Variants in TNR observed in about 807,000 individuals in gnomAD.
The protein encoded by TNR is tenascin R, also known as tenascin-R.
In TNR, 45 loss-of-function variants were observed where a neutral mutation model predicts 150.4. That is an observed-to-expected ratio of 0.30 (90% CI 0.24 to 0.38). TNR has a LOEUF of 0.38. Among genes scored for constraint, TNR ranks in the 10% least tolerant of loss-of-function variants. The pLI, the probability that TNR is intolerant of heterozygous loss-of-function variation, is 1.00. For synonymous variants in TNR, 687 were observed against 678.4 expected, an observed-to-expected ratio of 1.01 and a Z score of -0.20; for missense variants, 1,544 against 1,759.1, an observed-to-expected ratio of 0.88 and a Z score of 2.19.
Position 175,355,570 on chromosome 1 carries a change from CAGG to C in TNR, c.3179_3181del (p.Ser1060del). On this transcript the variant is annotated inframe_deletion, in exon 17 of 23. Coordinates refer to ENST00000367674, the MANE Select transcript of TNR (RefSeq NM_003285.3). ...TTCAATCTCTGCCCTGGGAGGCTGC[CAGG>C]AGATCAGGGCACTTTGTCTGGTGAC... The C allele has an allele frequency of 6.2e-7, 1 of 1,614,074 alleles. No homozygotes were observed. The highest frequency in any genetic ancestry group is 8.5e-7 in the Non-Finnish European group (1 of 1,179,932).
intron 1 of TNR, among the ~76,000 whole-genome samples, chr1:175,662,170 G>A (rs371786481): frequency 1.3e-5 from 2 of 152,190 alleles, no homozygotes; most frequent in African/African-American, 4.8e-5. Flanking sequence ...AAATCCAGAT[G>A]TGGGCAAGAA....
In TNR at chr1:175,363,703, G is replaced by A; in HGVS notation, c.2707+5C>T. 6.2e-7 allele frequency: 1 copy of A among 1,611,554 alleles called. No homozygotes were observed. Among genetic ancestry groups the A allele is most frequent in the Non-Finnish European group, 8.5e-7 (1 of 1,179,004 alleles). The stretch of plus-strand genomic sequence containing the variant: ...TATCTTTGAGAAATCAAATCACTTT[G>A]TTACCTTGGGTGGGTCGATATGATA... On this transcript the variant is annotated splice_donor_5th_base_variant and intron_variant, in intron 13 of 22. Coordinates refer to ENST00000367674, the MANE Select transcript of TNR (RefSeq NM_003285.3).
intron 1 of TNR, among the ~76,000 whole-genome samples, chr1:175,584,135 C>T (rs1392064833): frequency 6.6e-6 from 1 of 152,150 alleles, no homozygotes; most frequent in East Asian, 1.9e-4. Flanking sequence ...CAGAATGTGA[C>T]CCCATTTGGA....
At chr1:175,349,606 A>G (rs1445064051) in intron 18 of TNR, among the ~76,000 whole-genome samples, 1 of 152,256 alleles carries the variant, frequency 6.6e-6, no homozygotes, top group African/African-American at 2.4e-5. Context: ...AATTTAATGT[A>G]TCAAATGCCT....
chr1:175,513,262 G>C (rs538919739), intron 2 of TNR, among the ~76,000 whole-genome samples: 2 of 152,260 alleles, frequency 1.3e-5, no homozygotes, highest in South Asian at 2.1e-4. Context: ...TTCATCTCCT[G>C]ATGTTTCCTC....
chr1:175,662,456 TTATCTCCC>T lies in TNR; in HGVS notation c.-165+80762_-165+80769del, dbSNP rs1467352249. On this transcript the variant is annotated intron_variant, in intron 1 of 22. Coordinates refer to ENST00000367674, the MANE Select transcript of TNR (RefSeq NM_003285.3). ...TCTTGGTGTTGCCTGTGTGTAAGTC[TTATCTCCC>T]TACTGGGCCTCCCCTAGGGCCCCAG... 2.0e-5 allele frequency among the ~76,000 whole-genome samples: 3 copies of T among 152,250 alleles called. No individual in the cohort carries two copies. The East Asian group carries it at 5.8e-4, about 29-fold the overall frequency.
intron 1 of TNR, among the ~76,000 whole-genome samples, chr1:175,629,652 T>C (rs1296812705): frequency 6.6e-6 from 1 of 152,106 alleles, no homozygotes; most frequent in African/African-American, 2.4e-5. Context: ...GAGGGCCTGG[T>C]GCGGCCTCAG....
At chr1:175,581,507 A>C (rs1346187073) in intron 1 of TNR, among the ~76,000 whole-genome samples, 1 of 152,182 alleles carries the variant, frequency 6.6e-6, no homozygotes, top group Non-Finnish European at 1.5e-5. Context: ...GGATATTTAT[A>C]GTAGAAAAAC....
intron 1 of TNR, among the ~76,000 whole-genome samples, chr1:175,656,987 A>G (rs1230065700): frequency 6.6e-6 from 1 of 152,166 alleles, no homozygotes; most frequent in African/African-American, 2.4e-5. Context: ...AATTTGAGGA[A>G]GAAGGTTAGA....
rs569513126 is a variant in TNR at position 175,435,942 on chromosome 1, C to A, written c.-63-29165G>T. 1.4e-3 allele frequency among the ~76,000 whole-genome samples: 215 copies of A among 152,302 alleles called. 3 individuals carry two copies. Among genetic ancestry groups the A allele is most frequent in the Admixed American group, 2.3e-3 (35 of 15,298 alleles). On this transcript the variant is annotated intron_variant, in intron 2 of 22. Transcript: ENST00000367674. ...GAAATTCTGGGTTGAAAATTCTTTTCTTTAAGAATGTTGAATATTGGCCCC... is the reference window on the plus strand; with the variant it reads ...GAAATTCTGGGTTGAAAATTCTTTTATTTAAGAATGTTGAATATTGGCCCC...
intron 2 of TNR, among the ~76,000 whole-genome samples, chr1:175,485,295 GT>G (rs1657964531): frequency 1.3e-5 from 2 of 152,214 alleles, no homozygotes; most frequent in South Asian, 2.1e-4. Flanking sequence ...AGCACTGGAA[GT>G]TTCCCCCAAA....
In TNR at chr1:175,497,649, G is replaced by C. The variant is rs962551102; in HGVS notation, c.-64+30620C>G. ...TAGGCTTCCCCCTTCATGCAAGAAA[G>C]CATGCTTCTGGGACTCCCTGGGGCT... is the stretch of plus-strand genomic sequence containing the variant. On this transcript the variant is annotated intron_variant, in intron 2 of 22. Coordinates refer to ENST00000367674, the MANE Select transcript of TNR (RefSeq NM_003285.3). Among the ~76,000 whole-genome samples, 31 of 152,192 alleles carry C rather than the reference G, an allele frequency of 2.0e-4. 1 individual carries two copies. The highest frequency in any genetic ancestry group is 1.6e-3 in the Admixed American group (24 of 15,278).
At chr1:175,698,840 C>A (rs1457597940) in intron 1 of TNR, among the ~76,000 whole-genome samples, 4 of 151,298 alleles carry the variant, frequency 2.6e-5, no homozygotes, top group African/African-American at 9.7e-5. Context: ...AAAGGTGGTG[C>A]TGGCAGTGAC....
intron 2 of TNR, among the ~76,000 whole-genome samples, chr1:175,416,220 C>G (rs1015602224): frequency 6.6e-6 from 1 of 151,966 alleles, no homozygotes; most frequent in Admixed American, 6.6e-5. Flanking sequence ...CCCATTTAAT[C>G]CTCACAAGAA....
chr1:175,428,350 G>A (rs1212734556), intron 2 of TNR, among the ~76,000 whole-genome samples: 1 of 152,158 alleles, frequency 6.6e-6, no homozygotes, highest in Non-Finnish European at 1.5e-5. Flanking sequence ...CGTAAATCTG[G>A]TGAGACATGG....
In TNR at chr1:175,595,516, G is replaced by A. The variant is rs114053822; in HGVS notation, c.-164-67147C>T. Among the ~76,000 whole-genome samples, 739 of 152,250 alleles carry A rather than the reference G, an allele frequency of 4.9e-3. 2 individuals carry two copies. Among genetic ancestry groups the A allele is most frequent in the Non-Finnish European group, 6.0e-3 (410 of 68,014 alleles). On this transcript the variant is annotated intron_variant, in intron 1 of 22. Coordinates refer to ENST00000367674, the MANE Select transcript of TNR (RefSeq NM_003285.3). ...TGAAGTTGAACCTCTTGGATTCTTC[G>A]AAGCCATGAGGGTAAAATCGGTATA...
chr1:175,488,842 G>A (rs941120912), intron 2 of TNR, among the ~76,000 whole-genome samples: 2 of 152,240 alleles, frequency 1.3e-5, no homozygotes, highest in African/African-American at 4.8e-5. Flanking sequence ...ATGGGGCAAG[G>A]GTTGTGGAAT....
At chr1:175,544,248 T>C (rs1180913401) in intron 1 of TNR, among the ~76,000 whole-genome samples, 2 of 152,180 alleles carry the variant, frequency 1.3e-5, no homozygotes, top group Non-Finnish European at 2.9e-5. Flanking sequence ...GACTGAAGCA[T>C]GCAGGCCAGT....
intron 1 of TNR, among the ~76,000 whole-genome samples, chr1:175,608,688 C>G (rs1315587066): frequency 6.6e-6 from 1 of 152,130 alleles, no homozygotes. Context: ...AGCAGCAACA[C>G]TTAACAGAAA....
Sources: allele counts gnomAD v4.1 joint callset (sites outside exome capture counted in the v4.1 genomes callset), GRCh38; gene constraint gnomAD v4.1.1; transcripts MANE v1.5; gene names NCBI Gene and HGNC (gene_info 2026-07-23, HGNC 2026-07-21).